The following CAPN3 variants were observed in gnomAD, a reference collection of about 807,000 sequenced individuals.
CAPN3 encodes the protein calpain-3.
In CAPN3, 88 loss-of-function variants were observed where a neutral mutation model predicts 114.0. That is an observed-to-expected ratio of 0.77 (90% CI 0.65 to 0.92). CAPN3 has a LOEUF of 0.92. CAPN3 is among the 40% of genes least tolerant of loss of function. CAPN3 has a pLI of 0.00. For missense variants in CAPN3, 1,028 were observed against 1,069.0 expected (o/e 0.96, Z 0.53); for synonymous variants, 386 against 382.9 (o/e 1.01, Z -0.09).
chr15:42,366,264 A>G (rs1396861226), intron 1 of CAPN3, among the ~76,000 whole-genome samples: 1 of 152,150 alleles, frequency 6.6e-6, no homozygotes, highest in Non-Finnish European at 1.5e-5. Context: ...TCCCCAACCT[A>G]TTCCTTTTCC....
intron 3 of CAPN3, among the ~76,000 whole-genome samples, chr15:42,386,604 T>C (rs2053414139): frequency 6.6e-6 from 1 of 152,160 alleles, no homozygotes; most frequent in Non-Finnish European, 1.5e-5. Flanking sequence ...GTCCCTAAGA[T>C]ATTAGCACTG....
intron 14 of CAPN3, chr15:42,405,090 A>G: frequency 1.1e-6 from 1 of 892,914 alleles, no homozygotes; most frequent in Non-Finnish European, 1.3e-6. Context: ...TGGAAGACAC[A>G]GGGAGCAGGG....
chr15:42,406,841 C>A (rs1323685421), intron 15 of CAPN3, among the ~76,000 whole-genome samples: 1 of 152,146 alleles, frequency 6.6e-6, no homozygotes, highest in Admixed American at 6.5e-5. Context: ...GGGATCCCCA[C>A]AAGCTTCAGC....
chr15:42,407,879 G>C (rs1163388382), intron 15 of CAPN3, among the ~76,000 whole-genome samples: 1 of 151,868 alleles, frequency 6.6e-6, no homozygotes, highest in Non-Finnish European at 1.5e-5. Flanking sequence ...AATTTAATTT[G>C]AACAGTGTTT....
rs780205494 is a variant in CAPN3 at position 42,409,308 on chromosome 15, G to A, written c.1920G>A (p.Gln640=). ...TTTCCTTTGTGCCTCCACAGCCACA[G>A]CCTGGCAGCTCTGATCAGGAAAGTG... The part of the protein sequence containing the change: ...PDKQKQSPQP[Q]PGSSDQESEE... The change falls in exon 17 of 24, where the codon CAG becomes CAA. Residue 640 remains glutamine, a synonymous_variant. Coordinates refer to ENST00000397163, the MANE Select transcript of CAPN3 (RefSeq NM_000070.3). 4 of 1,614,130 alleles carry A rather than the reference G, an allele frequency of 2.5e-6. No homozygotes were observed. The East Asian group carries it at 8.9e-5, about 36-fold the overall frequency.
Position 42,395,559 on chromosome 15 carries a change from A to ACTGTGCT in CAPN3, c.1115+1229_1116-1224dup, listed in dbSNP as rs2053666070. Among the ~76,000 whole-genome samples, 3 of 152,072 alleles carry ACTGTGCT rather than the reference A, an allele frequency of 2.0e-5. No individual in the cohort carries two copies. In the South Asian group the frequency reaches 6.2e-4, roughly 32 times the overall value. On this transcript the variant is annotated intron_variant, in intron 8 of 23. Transcript: ENST00000397163. ...GTTACCTGGAGGGAGTGACATTGGA[A>ACTGTGCT]CTGTGCTCTGTGCTCTGGGAAGGCC...
chr15:42,387,641 C>T, intron 3 of CAPN3, 112 bp from the exon 4 acceptor site: 3 of 1,339,382 alleles, frequency 2.2e-6, no homozygotes, highest in Non-Finnish European at 3.2e-6. Flanking sequence ...ATGCAGAGTC[C>T]AGGAAATGAT....
rs753943594 is a variant in CAPN3 at position 42,403,766 on chromosome 15, G to T, written c.1771G>T (p.Asp591Tyr). 6.2e-7 allele frequency: 1 copy of T among 1,614,076 alleles called. No homozygotes were observed. Among genetic ancestry groups the T allele is most frequent in the Non-Finnish European group, 8.5e-7 (1 of 1,179,960 alleles). The stretch of plus-strand genomic sequence containing the variant: ...GGAAGTTGAAAATACCATCTCCGTG[G>T]ATCGGCCAGTGGTGAGTGGTTTAGA... ...SEEVENTISVDRPVKKKKTKP... is the reference protein window; with the variant it reads ...SEEVENTISVYRPVKKKKTKP... Residue 591 changes from aspartate to tyrosine, a missense_variant, in exon 14 of 24, where the codon GAT becomes TAT. Physicochemically the swap from Asp to Tyr is radical, Grantham distance 160 (BLOSUM62 -3). Transcript: ENST00000397163.
chr15:42,360,640 T>C (rs28364372), intron 1 of CAPN3, among the ~76,000 whole-genome samples: 14,842 of 152,146 alleles, frequency 0.098, 852 homozygotes, highest in South Asian at 0.18. Context: ...TTTTCATGCA[T>C]AAAATGTTGG....
At chr15:42,406,937 C>T (rs958088570) in intron 15 of CAPN3, among the ~76,000 whole-genome samples, 3 of 152,138 alleles carry the variant, frequency 2.0e-5, no homozygotes, top group African/African-American at 4.8e-5. Context: ...GCCGTTTCCA[C>T]GGGTCTATCT....
chr15:42,386,407 C>G (rs1004756898), intron 3 of CAPN3, 122 bp downstream of exon 3: 1 of 784,624 alleles, frequency 1.3e-6, no homozygotes, highest in Admixed American at 1.7e-5. Context: ...CGGCAACAGT[C>G]GGCATGGACC....
At chr15:42,395,702 A>T (rs1436298169) in intron 8 of CAPN3, among the ~76,000 whole-genome samples, 1 of 152,184 alleles carries the variant, frequency 6.6e-6, no homozygotes, top group East Asian at 1.9e-4. Flanking sequence ...TGATGCTGCC[A>T]TCACAGGGGC....
rs989104737 is a variant in CAPN3 at position 42,372,748 on chromosome 15, T to C, written c.310-11735T>C. On this transcript the variant is annotated intron_variant, in intron 1 of 23. Transcript: ENST00000397163. ...CTGTAATCCCAGCTACTTGGGAGGC[T>C]GAGGCAGGAGAATCAGTTGAACCCA... Among the ~76,000 whole-genome samples, 3 of 152,036 alleles carry C rather than the reference T, an allele frequency of 2.0e-5. No homozygotes were observed. In the East Asian group the frequency reaches 5.8e-4, roughly 30 times the overall value.
chr15:42,370,059 G>A (rs1306300000), intron 1 of CAPN3, among the ~76,000 whole-genome samples: 1 of 151,974 alleles, frequency 6.6e-6, no homozygotes, highest in Non-Finnish European at 1.5e-5. Context: ...TTTTAGTAGA[G>A]ATGGGGTTTC....
In CAPN3 at chr15:42,360,228, C is replaced by T. The variant is rs929884119; in HGVS notation, c.309+114C>T. 1.4e-5 allele frequency: 16 copies of T among 1,119,750 alleles called. No homozygotes were observed. The African/African-American group carries it at 2.3e-4, about 16-fold the overall frequency. The allele number at this position is 1,119,750 out of a possible 1,614,324, so 69.4% of individuals were successfully genotyped here. A position where few individuals can be genotyped will look rare whatever the true frequency, so the allele number is the denominator to read the frequency against. The stretch of plus-strand genomic sequence containing the variant: ...GGCACTGGGGGAAGGATCCTGGCAG[C>T]AGCTCTGCTGGGCTCTGTCTTTAAG... On this transcript the variant is annotated intron_variant, in intron 1 of 23. Coordinates refer to ENST00000397163, the MANE Select transcript of CAPN3 (RefSeq NM_000070.3).
In CAPN3 at chr15:42,410,633, A is replaced by G. The variant is rs750083132; in HGVS notation, c.2230A>G (p.Ser744Gly). The change falls in exon 21 of 24, where the codon AGC (serine) becomes GGC (glycine). Residue 744 changes from serine to glycine, a missense_variant. Physicochemically the swap from Ser to Gly is moderately conservative, Grantham distance 56. Coordinates refer to ENST00000397163, the MANE Select transcript of CAPN3 (RefSeq NM_000070.3). ...CACAGACCAGTCCGGCACCATCAAC[A>G]GCTACGAGATGCGAAATGCAGTCAA... ...YDTDQSGTIN[S>G]YEMRNAVNDA... The G allele has an allele frequency of 1.9e-6, 3 of 1,614,042 alleles. No individual in the cohort carries two copies. In the South Asian group the frequency reaches 3.3e-5, roughly 18 times the overall value.
chr15:42,401,575 T>A (rs989990866), intron 10 of CAPN3, 66 bp from the exon 11 acceptor site: 1 of 1,368,768 alleles, frequency 7.3e-7, no homozygotes, highest in African/African-American at 1.4e-5. Context: ...TGGCTCCCTC[T>A]GTCTCATCCC....
chr15:42,397,876 G>C (rs1201967251), intron 9 of CAPN3, among the ~76,000 whole-genome samples: 1 of 152,054 alleles, frequency 6.6e-6, no homozygotes, highest in African/African-American at 2.4e-5. Context: ...TTTAAAATTA[G>C]CCAGATGTGG....
At chr15:42,369,871 T>TTTC (rs1491182443) in intron 1 of CAPN3, among the ~76,000 whole-genome samples, 29 of 78,770 alleles carry the variant, frequency 3.7e-4, no homozygotes, top group Middle Eastern at 5.4e-3. Context: ...TCTTTCTTTC[T>TTTC]TTTTTTTTTT....
Sources: allele counts gnomAD v4.1 joint callset (sites outside exome capture counted in the v4.1 genomes callset), GRCh38; gene constraint gnomAD v4.1.1; transcripts MANE v1.5; gene names NCBI Gene and HGNC (gene_info 2026-07-23, HGNC 2026-07-21).